The following KCNA6 variants were observed in gnomAD, a reference collection of about 807,000 sequenced individuals.
KCNA6 encodes the protein potassium voltage-gated channel subfamily A member 6, also known as human brain potassium channel-2.
A neutral mutation model predicts 29.5 loss-of-function variants in KCNA6; 17 were observed. The observed-to-expected ratio is 0.58, with a 90% CI of 0.39 to 0.86. The LOEUF is 0.86. Among genes scored for constraint, KCNA6 ranks in the 40% least tolerant of loss-of-function variants. KCNA6 has a pLI of 0.00. For synonymous variants in KCNA6, 296 were observed against 304.7 expected, an observed-to-expected ratio of 0.97 and a Z score of 0.30; for missense variants, 450 against 703.4, an observed-to-expected ratio of 0.64 and a Z score of 4.07.
chr12:4,841,619 T>C, the KCNA6 span, among the ~76,000 whole-genome samples: 2 of 152,174 alleles, frequency 1.3e-5, no homozygotes, highest in African/African-American at 4.8e-5. Context: ...AAAGGCAAAC[T>C]GTGAAGGAGG....
chr12:4,820,056 G>C, the KCNA6 span, among the ~76,000 whole-genome samples: 2 of 152,096 alleles, frequency 1.3e-5, no homozygotes, highest in Non-Finnish European at 2.9e-5. Context: ...GAAAGGCAGG[G>C]TCCCTGCCAA....
the KCNA6 span, among the ~76,000 whole-genome samples, chr12:4,837,952 T>G: frequency 6.6e-6 from 1 of 151,952 alleles, no homozygotes; most frequent in Admixed American, 6.6e-5. Context: ...GCCTTTGTAT[T>G]TGGGTGCTGC....
At chr12:4,821,882 G>A in the KCNA6 span, among the ~76,000 whole-genome samples, 2 of 152,242 alleles carry the variant, frequency 1.3e-5, no homozygotes, top group Middle Eastern at 6.8e-3. Flanking sequence ...TGTTTCCCAG[G>A]CTGGAGTGCA....
the KCNA6 span, among the ~76,000 whole-genome samples, chr12:4,837,670 G>GT: frequency 6.6e-6 from 1 of 152,020 alleles, no homozygotes; most frequent in African/African-American, 2.4e-5. Context: ...AGAAGTTTGT[G>GT]TTTTTTGTCT....
chr12:4,828,869 G>A, the KCNA6 span, among the ~76,000 whole-genome samples: 5 of 152,180 alleles, frequency 3.3e-5, no homozygotes, highest in East Asian at 1.9e-4. Context: ...TGGGAACATC[G>A]CTAATGTAGC....
the KCNA6 span, among the ~76,000 whole-genome samples, chr12:4,835,350 G>A: frequency 9.2e-5 from 14 of 152,058 alleles, no homozygotes; most frequent in African/African-American, 2.9e-4. Context: ...TAGCCAGGAT[G>A]GTCTCGATCT....
At chr12:4,819,724 G>A in the KCNA6 span, among the ~76,000 whole-genome samples, 4 of 152,238 alleles carry the variant, frequency 2.6e-5, no homozygotes, top group Non-Finnish European at 4.4e-5. Context: ...GCAAGGTGAC[G>A]TGGCTGCCCT....
At position 4,811,168 on chromosome 12, in the gene KCNA6, T is replaced by C; in HGVS notation, c.1127T>C (p.Leu376Pro). The change falls in exon 1 of 1, where the codon CTG (leucine) becomes CCG (proline). Residue 376 changes from leucine to proline, a missense_variant. Coordinates refer to ENST00000280684, the Ensembl canonical transcript of KCNA6. This position sits in a 1 kb window ranked among gnomAD's most constrained non-coding sequence, Gnocchi z 7.1. ...ACCTTGCAGGCCTCCATGAGGGAGC[T>C]GGGGCTGCTCATCTTCTTCCTCTTC... is the stretch of plus-strand genomic sequence containing the variant. 6.2e-7 allele frequency: 1 copy of C among 1,614,226 alleles called. No homozygotes were observed. Among genetic ancestry groups the C allele is most frequent in the Non-Finnish European group, 8.5e-7 (1 of 1,180,008 alleles).
chr12:4,845,403 C>A, the KCNA6 span, among the ~76,000 whole-genome samples: 1 of 152,158 alleles, frequency 6.6e-6, no homozygotes, highest in Admixed American at 6.5e-5. Context: ...AAGAAGTCAA[C>A]GCTTTTCTGA....
At chr12:4,838,330 G>A in the KCNA6 span, among the ~76,000 whole-genome samples, 81,111 of 152,068 alleles carry the variant, frequency 0.53, 22,168 homozygotes, top group Non-Finnish European at 0.58. Flanking sequence ...CTGCAGCCTC[G>A]TGGCTCCTGG....
At chr12:4,842,011 ACG>A in the KCNA6 span, among the ~76,000 whole-genome samples, 2 of 96,546 alleles carry the variant, frequency 2.1e-5, no homozygotes, top group South Asian at 4.1e-4. Flanking sequence ...TATGGAGCTT[ACG>A]TGTGTGTGTG....
the KCNA6 span, among the ~76,000 whole-genome samples, chr12:4,837,303 T>TC: frequency 0.07 from 10,616 of 152,252 alleles, 576 homozygotes; most frequent in East Asian, 0.26. Flanking sequence ...TTCATCACTA[T>TC]CCTTTGTAAT....
chr12:4,850,965 A>AGGAACAGGGTGAAAGCT, the KCNA6 span: 4 of 367,336 alleles, frequency 1.1e-5, no homozygotes, highest in South Asian at 8.2e-5. This position sits in a 1 kb window ranked among gnomAD's most constrained non-coding sequence, Gnocchi z 5.4. Flanking sequence ...GTGAAGCTGT[A>AGGAACAGGGTGAAAGCT]GGAACAGGGT....
the KCNA6 span, among the ~76,000 whole-genome samples, chr12:4,822,104 G>A: frequency 1.3e-5 from 2 of 152,106 alleles, no homozygotes; most frequent in African/African-American, 2.4e-5. Context: ...CAAAGTGTTG[G>A]GATTACAGGT....
In KCNA6 at chr12:4,810,030, C is replaced by T. The variant is rs920568389; in HGVS notation, c.-12C>T. On this transcript the variant is annotated 5_prime_UTR_variant, in exon 1 of 1. Transcript: ENST00000280684. This position sits in a 1 kb window ranked among gnomAD's most constrained non-coding sequence, Gnocchi z 7.5. The stretch of plus-strand genomic sequence containing the variant: ...GCCGTCCTAGTGGCGGGGAGCGCAC[C>T]TCCGAGGGGGCATGAGATCGGAGAA... The T allele has an allele frequency of 5.3e-6, 8 of 1,497,250 alleles. No homozygotes were observed. The highest frequency in any genetic ancestry group is 7.1e-6 in the Non-Finnish European group (8 of 1,130,318). 92.7% of individuals were successfully genotyped at this position (1,497,250 alleles called of 1,614,324 possible). A position where few individuals can be genotyped will look rare whatever the true frequency, so the allele number is the denominator to read the frequency against.
At chr12:4,813,744 A>T (rs878925291), downstream of KCNA6, 1 of 167,202 alleles carries the variant, frequency 6.0e-6, no homozygotes, top group African/African-American at 2.4e-5. Context: ...GCTGCTGGCT[A>T]TCTGGGGAAA....
chr12:4,847,193 G>C, the KCNA6 span, among the ~76,000 whole-genome samples: 1 of 152,088 alleles, frequency 6.6e-6, no homozygotes, highest in African/African-American at 2.4e-5. Flanking sequence ...TTGTCTTCTA[G>C]TTTCTAATGA....
the KCNA6 span, among the ~76,000 whole-genome samples, chr12:4,849,489 CTTTTTTTT>C: frequency 9.9e-5 from 10 of 101,416 alleles, no homozygotes; most frequent in Admixed American, 2.2e-4. Flanking sequence ...GATTTTTGCT[CTTTTTTTT>C]TTTTTTTTTT....
Position 4,811,285 on chromosome 12 carries a change from G to A in KCNA6, c.1244G>A (p.Trp415Ter). The change falls in exon 1 of 1, where the codon TGG becomes TAG. Residue 415 changes from tryptophan to a stop codon, truncating the protein, a stop_gained. Transcript: ENST00000280684. LOFTEE classifies it high-confidence loss of function. The surrounding 1 kb of genome is among the most constrained non-coding windows in gnomAD (Gnocchi z 7.1). Reference sequence around the variant, plus strand: ...CCCAGCATCCCGGATGCCTTCTGGTGGGCAGTGGTTACAATGACCACGGTA... The same window carrying A: ...CCCAGCATCCCGGATGCCTTCTGGTAGGCAGTGGTTACAATGACCACGGTA... 1 of 1,614,226 alleles carries A rather than the reference G, an allele frequency of 6.2e-7. No individual in the cohort carries two copies. The highest frequency in any genetic ancestry group is 8.5e-7 in the Non-Finnish European group (1 of 1,180,038).
Sources: allele counts gnomAD v4.1 joint callset (sites outside exome capture counted in the v4.1 genomes callset), GRCh38; gene constraint gnomAD v4.1.1; non-coding constraint Gnocchi (gnomAD v3.1); transcripts MANE v1.5; gene names NCBI Gene and HGNC (gene_info 2026-07-23, HGNC 2026-07-21).